Variants in BICD1 observed in about 807,000 individuals in gnomAD.
The protein encoded by BICD1 is BICD cargo adaptor 1.
Under a neutral mutation model 92.5 loss-of-function variants are expected in BICD1, and 35 were observed. The ratio of observed to expected loss-of-function variants is 0.38; its 90% CI spans 0.29 to 0.50. The LOEUF is 0.50. Ranked by LOEUF, BICD1 falls within the 20% of genes least tolerant of loss-of-function variation. BICD1 has a pLI of 0.93. For synonymous variants in BICD1, 429 were observed against 465.1 expected, an observed-to-expected ratio of 0.92 and a Z score of 1.00; for missense variants, 950 against 1,189.8, an observed-to-expected ratio of 0.80 and a Z score of 2.97.
At chr12:32,317,319 A>G (rs1948531467) in intron 4 of BICD1, among the ~76,000 whole-genome samples, 2 of 152,214 alleles carry the variant, frequency 1.3e-5, no homozygotes, top group African/African-American at 4.8e-5. Flanking sequence ...TTACAGTCCT[A>G]CCAACAGTGT....
At chr12:32,284,113 C>T (rs1377027913) in intron 2 of BICD1, among the ~76,000 whole-genome samples, 2 of 152,256 alleles carry the variant, frequency 1.3e-5, no homozygotes, top group Non-Finnish European at 2.9e-5. Context: ...TTGTCCACTC[C>T]TGTCTGCAAC....
At chr12:32,372,891 A>T (rs1250174873) in intron 9 of BICD1, among the ~76,000 whole-genome samples, 1 of 152,206 alleles carries the variant, frequency 6.6e-6, no homozygotes, top group Non-Finnish European at 1.5e-5. Flanking sequence ...AACAGAAAAA[A>T]AGTAGAACTT....
intron 1 of BICD1, among the ~76,000 whole-genome samples, chr12:32,157,926 CAAATTACTTA>C (rs1413822483): frequency 6.6e-6 from 1 of 151,910 alleles, no homozygotes; most frequent in Non-Finnish European, 1.5e-5. Flanking sequence ...AGACCCTGGG[CAAATTACTTA>C]ACTTTTCTGT....
intron 8 of BICD1, among the ~76,000 whole-genome samples, chr12:32,346,613 CGTGTATATATATATATATAT>C (rs1565687429): frequency 0.21 from 5,010 of 23,612 alleles, 1,408 homozygotes; most frequent in African/African-American, 0.41. Context: ...TATATATATA[CGTGTATATATATATATATAT>C]ACGTGTATAT....
intron 8 of BICD1, chr12:32,340,405 C>T (rs1938319150): frequency 2.0e-6 from 2 of 985,226 alleles, no homozygotes; most frequent in Non-Finnish European, 2.4e-6. Flanking sequence ...CTGTGAATCA[C>T]CAAAGTGGTA....
chr12:32,259,275 C>T (rs144995177), intron 2 of BICD1, among the ~76,000 whole-genome samples: 147 of 149,334 alleles, frequency 9.8e-4, no homozygotes, highest in African/African-American at 3.5e-3. Context: ...ACTATTCTAA[C>T]TGTTTTCTTT....
At chr12:32,134,333 A>G (rs1382522836) in intron 1 of BICD1, among the ~76,000 whole-genome samples, 1 of 152,198 alleles carries the variant, frequency 6.6e-6, no homozygotes, top group East Asian at 1.9e-4. Context: ...TGCTAGTCCA[A>G]GTAAAAAGCT....
chr12:32,301,551 G>A (rs1289187165), intron 3 of BICD1, among the ~76,000 whole-genome samples: 1 of 151,994 alleles, frequency 6.6e-6, no homozygotes, highest in South Asian at 2.1e-4. Context: ...GAGGTGGAAG[G>A]ATTGCTTCGG....
In BICD1 at chr12:32,382,422, TC is replaced by T. The variant is rs1475071180; in HGVS notation, c.*4796del. 1 of 152,136 alleles carries T rather than the reference TC, an allele frequency of 6.6e-6. No individual in the cohort carries two copies. Among genetic ancestry groups the T allele is most frequent in the African/African-American group, 2.4e-5 (1 of 41,456 alleles). The allele number at this position is 152,136 out of a possible 1,614,324, so 9.4% of individuals were successfully genotyped here. On this transcript the variant is annotated 3_prime_UTR_variant, in exon 10 of 10. Coordinates refer to ENST00000652176, the MANE Select transcript of BICD1 (RefSeq NM_001714.4). Reference sequence around the variant, plus strand: ...TCACATCATGTAAGCTTTCCCATATTCATAAGATGAACACTATAGAAGTCTC... The same window carrying T: ...TCACATCATGTAAGCTTTCCCATATTATAAGATGAACACTATAGAAGTCTC...
At chr12:32,338,343 G>A (rs112552534) in intron 7 of BICD1, 70 of 173,460 alleles carry the variant, frequency 4.0e-4, no homozygotes, top group African/African-American at 1.7e-3. Flanking sequence ...AAAATGGGAT[G>A]GAATACGCAC....
At chr12:32,264,356 A>C (rs937453331) in intron 2 of BICD1, among the ~76,000 whole-genome samples, 8 of 152,252 alleles carry the variant, frequency 5.3e-5, no homozygotes. Context: ...GTGTGCACTC[A>C]GTGAGTATTT....
At chr12:32,360,810 C>G (rs1939296892) in intron 8 of BICD1, among the ~76,000 whole-genome samples, 1 of 152,066 alleles carries the variant, frequency 6.6e-6, no homozygotes, top group Non-Finnish European at 1.5e-5. Context: ...TTACATAAAG[C>G]TATCGAGGTC....
At chr12:32,175,267 C>T (rs1424355939) in intron 1 of BICD1, among the ~76,000 whole-genome samples, 1 of 152,212 alleles carries the variant, frequency 6.6e-6, no homozygotes, top group African/African-American at 2.4e-5. Context: ...ACAATCTACA[C>T]TACTTTCCCT....
intron 4 of BICD1, among the ~76,000 whole-genome samples, chr12:32,307,730 T>C (rs1248413228): frequency 6.6e-6 from 1 of 152,220 alleles, no homozygotes; most frequent in African/African-American, 2.4e-5. Context: ...CAGGTTTATT[T>C]TCTATGTCTT....
At chr12:32,149,234 G>C in intron 1 of BICD1, among the ~76,000 whole-genome samples, 1 of 136,588 alleles carries the variant, frequency 7.3e-6, no homozygotes, top group South Asian at 2.6e-4. Flanking sequence ...TAGATCTTGG[G>C]TAATATTGGA....
chr12:32,325,839 T>C (rs1227155248), intron 4 of BICD1, among the ~76,000 whole-genome samples: 1 of 151,910 alleles, frequency 6.6e-6, no homozygotes, highest in Non-Finnish European at 1.5e-5. Context: ...AGTGTAATCT[T>C]TGGGAGGCCG....
In BICD1 at chr12:32,242,215, C is replaced by CAA. The variant is rs4001812; in HGVS notation, c.426+25783_426+25784dup. ...TAGGATACAGAGTGAGACCCTGTCT[C>CAA]AAAAAAAAAAAAAAAAAAAAAAAAA... On this transcript the variant is annotated intron_variant, in intron 2 of 9. Transcript: ENST00000652176. 6.5e-3 allele frequency among the ~76,000 whole-genome samples: 309 copies of CAA among 47,736 alleles called. 19 individuals are homozygous for CAA. The highest frequency in any genetic ancestry group is 8.1e-3 in the Non-Finnish European group (235 of 29,042). The allele number at this position is 47,736 out of a possible 152,430, so 31.3% of individuals were successfully genotyped here. A position where few individuals can be genotyped will look rare whatever the true frequency, so the allele number is the denominator to read the frequency against.
chr12:32,149,356 G>A (rs991193942), intron 1 of BICD1, among the ~76,000 whole-genome samples: 2 of 152,154 alleles, frequency 1.3e-5, no homozygotes, highest in African/African-American at 4.8e-5. Context: ...ATAATTCATA[G>A]ACTTCATAAG....
chr12:32,223,472 G>A (rs1325057783), intron 2 of BICD1, among the ~76,000 whole-genome samples: 4 of 148,552 alleles, frequency 2.7e-5, no homozygotes, highest in East Asian at 2.1e-4. Flanking sequence ...AGCCAAGATC[G>A]CGCCACTGCA....
Sources: allele counts gnomAD v4.1 joint callset (sites outside exome capture counted in the v4.1 genomes callset), GRCh38; gene constraint gnomAD v4.1.1; transcripts MANE v1.5; gene names NCBI Gene and HGNC (gene_info 2026-07-23, HGNC 2026-07-21).